TMEM167A: variants seen among roughly 807,000 people sequenced by gnomAD.
The protein encoded by TMEM167A is protein kish-A.
In TMEM167A, 8 loss-of-function variants were observed where a neutral mutation model predicts 11.6. The ratio of observed to expected loss-of-function variants is 0.69; its 90% CI spans 0.40 to 1.24. The LOEUF is 1.24. Among genes scored for constraint, TMEM167A ranks in the 50% most tolerant of loss-of-function variants. The pLI is 0.01. For missense variants in TMEM167A, 62 were observed against 87.0 expected, an observed-to-expected ratio of 0.71 and a Z score of 1.14; for synonymous variants, 22 against 28.0, an observed-to-expected ratio of 0.79 and a Z score of 0.67.
At chr5:83,067,751 G>T (rs902704501) in intron 1 of TMEM167A, among the ~76,000 whole-genome samples, 1 of 151,864 alleles carries the variant, frequency 6.6e-6, no homozygotes, top group African/African-American at 2.4e-5. Flanking sequence ...GATCTCAAGC[G>T]ATCTGCCCAC....
At chr5:83,065,578 C>T (rs1744470173) in intron 1 of TMEM167A, among the ~76,000 whole-genome samples, 1 of 151,810 alleles carries the variant, frequency 6.6e-6, no homozygotes, top group African/African-American at 2.4e-5. Flanking sequence ...CCAAAATGTT[C>T]CAAAATCAAA....
chr5:83,062,032 C>A, intron 2 of TMEM167A, 121 bp from the exon 3 acceptor site: 1 of 786,336 alleles, frequency 1.3e-6, no homozygotes, highest in Non-Finnish European at 2.0e-6. Context: ...CACTTTGCTT[C>A]AAATTTGAAA....
In TMEM167A at chr5:83,077,053, C is replaced by T. The variant is rs374800798; in HGVS notation, c.3+268G>A. ...CAATGACCACACATAATCTACGTAG[C>T]CAACGTGTTAAAACACACCAACGCA... On this transcript the variant is annotated intron_variant, in intron 1 of 3. Coordinates refer to ENST00000502346, the MANE Select transcript of TMEM167A (RefSeq NM_174909.5). 3.5e-4 allele frequency among the ~76,000 whole-genome samples: 54 copies of T among 152,348 alleles called. 1 individual carries two copies. The South Asian group carries it at 0.01, about 29-fold the overall frequency.
intron 3 of TMEM167A, among the ~76,000 whole-genome samples, chr5:83,057,884 C>T (rs1041012826): frequency 6.6e-6 from 1 of 152,026 alleles, no homozygotes; most frequent in African/African-American, 2.4e-5. Context: ...AGATAGAGAT[C>T]ATGTCATTGT....
chr5:83,074,209 A>C (rs1002415179), intron 1 of TMEM167A, among the ~76,000 whole-genome samples: 3 of 152,212 alleles, frequency 2.0e-5, no homozygotes, highest in Admixed American at 2.0e-4. Flanking sequence ...TGCCACATTA[A>C]GGCTCCATGC....
chr5:83,071,799 T>C (rs1480824091), intron 1 of TMEM167A, among the ~76,000 whole-genome samples: 1 of 152,172 alleles, frequency 6.6e-6, no homozygotes, highest in Non-Finnish European at 1.5e-5. Flanking sequence ...TATTTAGATA[T>C]GAACCCATCA....
intron 1 of TMEM167A, among the ~76,000 whole-genome samples, chr5:83,072,258 T>C (rs1008750154): frequency 1.3e-5 from 2 of 152,026 alleles, no homozygotes; most frequent in African/African-American, 2.4e-5. Flanking sequence ...AAAACAATGA[T>C]AAATGGTAGA....
intron 3 of TMEM167A, among the ~76,000 whole-genome samples, chr5:83,061,043 T>G (rs954287889): frequency 6.6e-6 from 1 of 152,190 alleles, no homozygotes; most frequent in Admixed American, 6.5e-5. Context: ...CTACCTTAAC[T>G]TTAATTGCTT....
intron 1 of TMEM167A, among the ~76,000 whole-genome samples, chr5:83,065,609 A>C (rs1744470511): frequency 6.6e-6 from 1 of 152,054 alleles, no homozygotes; most frequent in Admixed American, 6.6e-5. Context: ...TGCCAAAATG[A>C]TGCTAAAAAA....
chr5:83,055,929 G>C lies in TMEM167A; in HGVS notation c.*1155C>G, dbSNP rs1654048151. The C allele has an allele frequency of 6.6e-6, 1 of 151,884 alleles. No homozygotes were observed. The highest frequency in any genetic ancestry group is 2.4e-5 in the African/African-American group (1 of 41,364). The allele number at this position is 151,884 out of a possible 1,614,324, so 9.4% of individuals were successfully genotyped here. A position where few individuals can be genotyped will look rare whatever the true frequency, so the allele number is the denominator to read the frequency against. ...TTAGCTAAGATTTAAGTTCCTCGTA[G>C]CTCTGAAATTTTAACTGAATTTTAG... On this transcript the variant is annotated 3_prime_UTR_variant, in exon 4 of 4. Coordinates refer to ENST00000502346, the MANE Select transcript of TMEM167A (RefSeq NM_174909.5).
At chr5:83,061,950 T>G (rs775220405) in intron 2 of TMEM167A, 39 bp from the exon 3 acceptor site, 1 of 1,537,930 alleles carries the variant, frequency 6.5e-7, no homozygotes, top group Non-Finnish European at 9.0e-7. Context: ...AGCTATTGAT[T>G]ACTCGGAAAG....
At position 83,053,517 on chromosome 5, in the gene TMEM167A, T is replaced by C. The variant is rs775761798; in HGVS notation, c.*3567A>G. ...GTAGGCATGAATATATTCAACCTTC[T>C]TTGCACATACACCAAGGAAGAATTT... is the stretch of plus-strand genomic sequence containing the variant. On this transcript the variant is annotated 3_prime_UTR_variant, in exon 4 of 4. Transcript: ENST00000502346. 8 of 152,000 alleles carry C rather than the reference T, an allele frequency of 5.3e-5. No homozygotes were observed. Among genetic ancestry groups the C allele is most frequent in the Non-Finnish European group, 7.4e-5 (5 of 67,926 alleles). The allele number at this position is 152,000 out of a possible 1,614,324, so 9.4% of individuals were successfully genotyped here. A position where few individuals can be genotyped will look rare whatever the true frequency, so the allele number is the denominator to read the frequency against.
rs78932863 is a variant in TMEM167A, at chr5:83,072,452, C to T, written c.3+4869G>A. On this transcript the variant is annotated intron_variant, in intron 1 of 3. Coordinates refer to ENST00000502346, the MANE Select transcript of TMEM167A (RefSeq NM_174909.5). ...ATGAAATCTAACTGCTTATTAGAAC[C>T]ACTTGGAGCTTAAAAAGCCATCATT... Among the ~76,000 whole-genome samples the T allele has an allele frequency of 7.5e-3, 1,148 of 152,228 alleles. 7 individuals are homozygous for T. Among genetic ancestry groups the T allele is most frequent in the African/African-American group, 0.019 (805 of 41,532 alleles).
At chr5:83,064,155 A>G in intron 2 of TMEM167A, 1 of 494,168 alleles carries the variant, frequency 2.0e-6, no homozygotes, top group Non-Finnish European at 4.0e-6. Context: ...AGTTGACTGT[A>G]TTAGTACATA....
At chr5:83,067,851 T>C (rs996993205) in intron 1 of TMEM167A, among the ~76,000 whole-genome samples, 1 of 152,154 alleles carries the variant, frequency 6.6e-6, no homozygotes, top group African/African-American at 2.4e-5. Flanking sequence ...TTTCTCAAAT[T>C]GTCTAAGTGA....
chr5:83,067,793 G>A (rs1016903827), intron 1 of TMEM167A, among the ~76,000 whole-genome samples: 1 of 151,998 alleles, frequency 6.6e-6, no homozygotes, highest in Non-Finnish European at 1.5e-5. Context: ...GATTACAGGC[G>A]TGAGCCATCT....
intron 1 of TMEM167A, among the ~76,000 whole-genome samples, chr5:83,067,991 G>C (rs925152707): frequency 1.3e-5 from 2 of 151,180 alleles, no homozygotes; most frequent in African/African-American, 4.8e-5. Flanking sequence ...AATTAAATTG[G>C]GTTTTAATCT....
chr5:83,064,567 T>C (rs1453039288), intron 2 of TMEM167A, among the ~76,000 whole-genome samples: 1 of 152,132 alleles, frequency 6.6e-6, no homozygotes, highest in Non-Finnish European at 1.5e-5. Context: ...ACAATGAAAC[T>C]GTCTACTTGG....
intron 1 of TMEM167A, among the ~76,000 whole-genome samples, chr5:83,069,125 C>A (rs1425864638): frequency 6.6e-6 from 1 of 152,108 alleles, no homozygotes; most frequent in Non-Finnish European, 1.5e-5. Context: ...ATATATACAA[C>A]TTTGTTCTGG....
Sources: gnomAD v4.1 joint callset for allele counts (sites outside exome capture counted in the v4.1 genomes callset) on GRCh38, gnomAD v4.1.1 for gene constraint, MANE v1.5 for transcripts, NCBI Gene and HGNC (gene_info 2026-07-23, HGNC 2026-07-21) for gene names.